Variants in LRMDA observed in about 807,000 individuals in gnomAD.
LRMDA encodes the protein leucine-rich melanocyte differentiation-associated protein.
In LRMDA, 18 loss-of-function variants were observed where a neutral mutation model predicts 29.8. The observed-to-expected ratio is 0.60, with a 90% CI of 0.42 to 0.90. LRMDA has a LOEUF of 0.90. Among genes scored for constraint, LRMDA ranks in the 40% least tolerant of loss-of-function variants. The pLI is 0.00. For missense variants in LRMDA, 273 were observed against 273.9 expected, an observed-to-expected ratio of 1.00 and a Z score of 0.02; for synonymous variants, 125 against 109.4, an observed-to-expected ratio of 1.14 and a Z score of -0.89.
chr10:75,996,978 C>T (rs1338877678), intron 2 of LRMDA, among the ~76,000 whole-genome samples: 6 of 152,070 alleles, frequency 3.9e-5, no homozygotes, highest in East Asian at 1.9e-4. Flanking sequence ...ATGATCCACC[C>T]GCCTCGCCCT....
chr10:76,278,249 A>G (rs1327906930), intron 5 of LRMDA, among the ~76,000 whole-genome samples: 6 of 152,130 alleles, frequency 3.9e-5, no homozygotes, highest in Non-Finnish European at 7.4e-5. Context: ...TGTTTACCCA[A>G]CTCAAAGTAG....
chr10:75,917,858 C>T (rs955073692), intron 2 of LRMDA, among the ~76,000 whole-genome samples: 1 of 152,188 alleles, frequency 6.6e-6, no homozygotes, highest in African/African-American at 2.4e-5. Flanking sequence ...GGTACGTACC[C>T]CGCCTTGGTA....
chr10:75,734,998 T>A (rs978707743), intron 2 of LRMDA, among the ~76,000 whole-genome samples: 1 of 152,212 alleles, frequency 6.6e-6, no homozygotes, highest in African/African-American at 2.4e-5. Context: ...TAGCATTCGC[T>A]CTAATTTACT....
chr10:76,423,517 C>T (rs1415478103), intron 6 of LRMDA, among the ~76,000 whole-genome samples: 1 of 152,160 alleles, frequency 6.6e-6, no homozygotes, highest in African/African-American at 2.4e-5. Flanking sequence ...CAATCATACC[C>T]TTTCATAAGG....
At chr10:75,696,033 A>G (rs1208982642) in intron 2 of LRMDA, among the ~76,000 whole-genome samples, 1 of 152,216 alleles carries the variant, frequency 6.6e-6, no homozygotes, top group African/African-American at 2.4e-5. Flanking sequence ...ACAAAAAGAT[A>G]AGATTAAAAA....
chr10:76,276,692 T>TAATTTTTGG (rs1294514763), intron 5 of LRMDA, among the ~76,000 whole-genome samples: 2 of 152,240 alleles, frequency 1.3e-5, no homozygotes, highest in Non-Finnish European at 2.9e-5. Flanking sequence ...GTATATTTAG[T>TAATTTTTGG]AATTTTTGGC....
intron 2 of LRMDA, among the ~76,000 whole-genome samples, chr10:75,952,992 T>A (rs188540291): frequency 9.8e-4 from 149 of 151,816 alleles, no homozygotes; most frequent in Non-Finnish European, 1.8e-3. Flanking sequence ...AGATCTCAGG[T>A]TATCCGCCTG....
chr10:75,516,413 G>T (rs4536150), intron 2 of LRMDA, among the ~76,000 whole-genome samples: 79,007 of 152,018 alleles, frequency 0.52, 22,557 homozygotes, highest in Non-Finnish European at 0.63. Context: ...GTGTGAGATG[G>T]TATCTCATTG....
At chr10:75,954,046 C>T (rs1049066393) in intron 2 of LRMDA, among the ~76,000 whole-genome samples, 4 of 152,188 alleles carry the variant, frequency 2.6e-5, no homozygotes, top group South Asian at 2.1e-4. Context: ...GAGGGGCTCA[C>T]GAGAAGGATC....
Position 75,846,176 on chromosome 10 carries a change from T to TG in LRMDA, c.132-189832_132-189831insG, listed in dbSNP as rs1491303286. On this transcript the variant is annotated intron_variant, in intron 2 of 6. Coordinates refer to ENST00000611255, the MANE Select transcript of LRMDA (RefSeq NM_001305581.2). The stretch of plus-strand genomic sequence containing the variant: ...CTTTTGTTACTTATTTGTGTGTGTG[T>TG]TTGTGTGTGTGTGTGTGTGTGTGTG... 2.0e-3 allele frequency among the ~76,000 whole-genome samples: 249 copies of TG among 126,110 alleles called. 3 individuals are homozygous for TG. The highest frequency in any genetic ancestry group is 7.9e-3 in the African/African-American group (222 of 28,128). The allele number at this position is 126,110 out of a possible 152,430, so 82.7% of individuals were successfully genotyped here.
chr10:76,058,514 G>GACCTCTC, intron 4 of LRMDA, 152 bp from the exon 5 acceptor site: 1 of 691,786 alleles, frequency 1.4e-6, no homozygotes, highest in South Asian at 1.7e-5. Flanking sequence ...AGGAACAGTT[G>GACCTCTC]TTTATTCTTT....
chr10:76,376,367 T>C (rs1485700111), intron 6 of LRMDA, among the ~76,000 whole-genome samples: 1 of 152,098 alleles, frequency 6.6e-6, no homozygotes, highest in Non-Finnish European at 1.5e-5. Flanking sequence ...TATATACATA[T>C]ATATCATGCC....
At chr10:75,700,334 GA>G (rs1842289801) in intron 2 of LRMDA, among the ~76,000 whole-genome samples, 1 of 145,216 alleles carries the variant, frequency 6.9e-6, no homozygotes, top group African/African-American at 2.5e-5. Context: ...TCTGTCTAAT[GA>G]AAAAAATATA....
chr10:76,052,846 C>T (rs1848552622), intron 4 of LRMDA, among the ~76,000 whole-genome samples: 1 of 152,158 alleles, frequency 6.6e-6, no homozygotes, highest in African/African-American at 2.4e-5. Flanking sequence ...CTCACCACCC[C>T]CAGCCTTGGG....
At chr10:75,504,325 T>C (rs1176588822) in intron 2 of LRMDA, among the ~76,000 whole-genome samples, 2 of 152,210 alleles carry the variant, frequency 1.3e-5, no homozygotes, top group Non-Finnish European at 2.9e-5. Flanking sequence ...CCATGCATTA[T>C]GCTGGGTGCT....
At chr10:76,227,956 CAGTGCTCACAG>C (rs1851990124) in intron 5 of LRMDA, among the ~76,000 whole-genome samples, 1 of 151,504 alleles carries the variant, frequency 6.6e-6, no homozygotes, top group African/African-American at 2.4e-5. Flanking sequence ...TTCCAGGCTA[CAGTGCTCACAG>C]AGTTCAACCA....
intron 6 of LRMDA, among the ~76,000 whole-genome samples, chr10:76,544,818 A>G (rs1447245754): frequency 6.6e-6 from 1 of 151,960 alleles, no homozygotes; most frequent in East Asian, 1.9e-4. Context: ...AACATATTTT[A>G]CCATTTGGCA....
chr10:76,276,226 G>A (rs753802587), intron 5 of LRMDA, among the ~76,000 whole-genome samples: 22 of 151,964 alleles, frequency 1.4e-4, no homozygotes, highest in Non-Finnish European at 2.5e-4. Flanking sequence ...CTGTAGCCTT[G>A]AACTCTTGGG....
At chr10:75,957,343 T>A (rs1846680523) in intron 2 of LRMDA, among the ~76,000 whole-genome samples, 1 of 152,214 alleles carries the variant, frequency 6.6e-6, no homozygotes, top group Admixed American at 6.5e-5. Flanking sequence ...CCATTTAGTC[T>A]CCTTATCAAA....
Sources: gnomAD v4.1 joint callset for allele counts (sites outside exome capture counted in the v4.1 genomes callset) on GRCh38, gnomAD v4.1.1 for gene constraint, MANE v1.5 for transcripts, NCBI Gene and HGNC (gene_info 2026-07-23, HGNC 2026-07-21) for gene names.